The following NTRK3 variants were observed in gnomAD, a reference collection of about 807,000 sequenced individuals.
NTRK3 encodes the protein neurotrophic receptor tyrosine kinase 3.
NTRK3 carries 24 observed loss-of-function variants against 91.7 expected under a neutral mutation model. The observed-to-expected ratio is 0.26, with a 90% CI of 0.19 to 0.37. The LOEUF is 0.37. Among genes scored for constraint, NTRK3 ranks in the 10% least tolerant of loss-of-function variants. NTRK3 has a pLI of 1.00. For synonymous variants in NTRK3, 483 were observed against 404.0 expected, an observed-to-expected ratio of 1.20 and a Z score of -2.34; for missense variants, 880 against 1,068.9, an observed-to-expected ratio of 0.82 and a Z score of 2.46.
rs978605084 is a variant in NTRK3 at position 87,867,707 on chromosome 15, A to G, written c.*9228T>C. On this transcript the variant is annotated 3_prime_UTR_variant, in exon 19 of 19. Coordinates refer to ENST00000394480, the Ensembl canonical transcript of NTRK3. ...CCGTTTTGGTTCACGTTCTAATTCA[A>G]TTTGAGTGTCTGAGCTTCATATCTG... 4.8e-5 allele frequency: 11 copies of G among 228,752 alleles called. No homozygotes were observed. In the Admixed American group the frequency reaches 5.1e-4, roughly 11 times the overall value. The allele number at this position is 228,752 out of a possible 1,614,324, so 14.2% of individuals were successfully genotyped here.
At chr15:88,158,217 C>A (rs1377095166) in intron 5 of NTRK3, among the ~76,000 whole-genome samples, 4 of 152,214 alleles carry the variant, frequency 2.6e-5, no homozygotes, top group Non-Finnish European at 5.9e-5. Flanking sequence ...AGTGAACATG[C>A]TCTGTCACTG....
At chr15:88,135,587 C>T (rs898950748) in intron 9 of NTRK3, among the ~76,000 whole-genome samples, 190 bp from the exon 10 acceptor site, 4 of 152,184 alleles carry the variant, frequency 2.6e-5, no homozygotes, top group African/African-American at 9.7e-5. Context: ...TTCCTAGATC[C>T]ACCTTAGCTG....
At chr15:88,220,517 G>A (rs984057656) in intron 3 of NTRK3, among the ~76,000 whole-genome samples, 3 of 152,170 alleles carry the variant, frequency 2.0e-5, no homozygotes, top group South Asian at 2.1e-4. Flanking sequence ...TGGAAGCCTC[G>A]GATCTGAAAA....
At chr15:87,860,113 A>C (rs2064483132) in exon 19 of NTRK3, 1 of 216,266 alleles carries the variant, frequency 4.6e-6, no homozygotes, top group Non-Finnish European at 9.3e-6. Context: ...GATTTGTATT[A>C]GTGTCATGGT....
At chr15:87,890,209 T>C (rs980653159) in intron 17 of NTRK3, among the ~76,000 whole-genome samples, 6 of 152,000 alleles carry the variant, frequency 3.9e-5, no homozygotes, top group Non-Finnish European at 7.4e-5. Context: ...AACTTCTTTG[T>C]GATGTTAAGA....
chr15:88,227,259 C>G (rs918068724), intron 3 of NTRK3, among the ~76,000 whole-genome samples: 1 of 152,176 alleles, frequency 6.6e-6, no homozygotes, highest in African/African-American at 2.4e-5. Context: ...CTGCATTTCC[C>G]ACCAACCTAT....
chr15:87,916,566 A>G (rs779407734), intron 17 of NTRK3: 38 of 702,162 alleles, frequency 5.4e-5, no homozygotes, highest in Non-Finnish European at 8.8e-5. Flanking sequence ...ACAACCTTCA[A>G]TGAGAGAAGA....
intron 14 of NTRK3, among the ~76,000 whole-genome samples, chr15:87,948,062 G>A (rs28522946): frequency 6.6e-6 from 1 of 152,120 alleles, no homozygotes; most frequent in Non-Finnish European, 1.5e-5. Flanking sequence ...CTCACCTCAC[G>A]CCTTCTATGA....
intron 14 of NTRK3, among the ~76,000 whole-genome samples, chr15:87,982,861 C>G (rs1046120390): frequency 6.7e-6 from 1 of 148,226 alleles, no homozygotes; most frequent in African/African-American, 2.6e-5. Context: ...TGGGGTTTCA[C>G]CCCTGTGCTC....
chr15:88,225,976 A>T (rs994103491), intron 3 of NTRK3, among the ~76,000 whole-genome samples: 23 of 152,262 alleles, frequency 1.5e-4, no homozygotes, highest in African/African-American at 5.5e-4. Context: ...TGGCCCTTCT[A>T]AAGGGCCGAG....
intron 14 of NTRK3, among the ~76,000 whole-genome samples, chr15:88,031,941 C>G (rs1457949512): frequency 6.6e-6 from 1 of 152,118 alleles, no homozygotes. Flanking sequence ...GGGCAGCCAC[C>G]CAGAGCCTCG....
At position 87,880,446 on chromosome 15, in the gene NTRK3, A is replaced by G. The variant is rs752207981; in HGVS notation, c.2134-18T>C. 1.2e-6 allele frequency: 2 copies of G among 1,613,148 alleles called. No individual in the cohort carries two copies. The highest frequency in any genetic ancestry group is 1.7e-6 in the Non-Finnish European group (2 of 1,179,548). ...CCTCCCACCTAAAAGGGGTTGAGAT[A>G]GAGGCACACAGAGTGACCAGATGGC... On this transcript the variant is annotated intron_variant, in intron 17 of 18. Coordinates refer to ENST00000394480, the Ensembl canonical transcript of NTRK3.
At chr15:88,121,827 A>T (rs899249274) in intron 13 of NTRK3, among the ~76,000 whole-genome samples, 1 of 152,242 alleles carries the variant, frequency 6.6e-6, no homozygotes, top group African/African-American at 2.4e-5. Context: ...ATTAGACTTC[A>T]TCAATAGCAA....
At chr15:88,169,701 T>C (rs1031501261) in intron 5 of NTRK3, among the ~76,000 whole-genome samples, 1 of 152,214 alleles carries the variant, frequency 6.6e-6, no homozygotes, top group Non-Finnish European at 1.5e-5. Context: ...GTTCCAGGTC[T>C]AGTGGGTCCC....
At chr15:87,992,359 C>T (rs946739031) in intron 14 of NTRK3, among the ~76,000 whole-genome samples, 9 of 152,160 alleles carry the variant, frequency 5.9e-5, no homozygotes, top group African/African-American at 1.9e-4. Context: ...GAATGCTTAT[C>T]TTCTAATTTA....
rs2069748375 is a variant in NTRK3 at position 87,940,733 on chromosome 15, T to G, written c.1606A>C (p.Arg536=). 1.9e-6 allele frequency: 3 copies of G among 1,613,976 alleles called. No homozygotes were observed. In the South Asian group the frequency reaches 3.3e-5, roughly 18 times the overall value. ...AGTTCTCGCTTCAGCACGATGTCTC[T>G]CCTCTTAATGTGCTGCACATCTGTA... Residue 536 remains arginine, a synonymous_variant, in exon 15 of 19, where the codon AGA becomes CGA. Coordinates refer to ENST00000394480, the Ensembl canonical transcript of NTRK3.
At chr15:88,101,004 A>G (rs1419576323) in intron 13 of NTRK3, among the ~76,000 whole-genome samples, 6 of 152,360 alleles carry the variant, frequency 3.9e-5, no homozygotes, top group Admixed American at 6.5e-5. Context: ...ACAAAAGCCA[A>G]AATTGACAAA....
chr15:88,171,390 G>C (rs2045505321), intron 5 of NTRK3, among the ~76,000 whole-genome samples: 1 of 152,140 alleles, frequency 6.6e-6, no homozygotes, highest in African/African-American at 2.4e-5. Flanking sequence ...TCTCTGCTGG[G>C]GGGCTCCAGC....
chr15:88,191,163 C>CGTGT (rs60048541), intron 3 of NTRK3, among the ~76,000 whole-genome samples: 2,068 of 137,944 alleles, frequency 0.015, 22 homozygotes, highest in Middle Eastern at 0.022. Context: ...TGATGTTTCC[C>CGTGT]GTGTGTGTGT....
Sources: gnomAD v4.1 joint callset for allele counts (sites outside exome capture counted in the v4.1 genomes callset) on GRCh38, gnomAD v4.1.1 for gene constraint, MANE v1.5 for transcripts, NCBI Gene and HGNC (gene_info 2026-07-23, HGNC 2026-07-21) for gene names.